Variants in TESK2 observed in about 807,000 individuals in gnomAD.
TESK2 encodes dual specificity testis-specific protein kinase 2.
In TESK2, 39 loss-of-function variants were observed where a neutral mutation model predicts 57.1. The ratio of observed to expected loss-of-function variants is 0.68; its 90% CI spans 0.53 to 0.89. TESK2 has a LOEUF of 0.89. Ranked by LOEUF, TESK2 falls within the 40% of genes least tolerant of loss-of-function variation. The pLI, the probability that TESK2 is intolerant of heterozygous loss-of-function variation, is 0.00. For missense variants in TESK2, 646 were observed against 732.1 expected (o/e 0.88, Z 1.36); for synonymous variants, 249 against 267.9 (o/e 0.93, Z 0.69).
intron 1 of TESK2, among the ~76,000 whole-genome samples, chr1:45,459,300 G>GA (rs199990480): frequency 2.7e-5 from 4 of 150,172 alleles, no homozygotes; most frequent in South Asian, 2.1e-4. Context: ...AATTTTCAAA[G>GA]AAAAAAAAAG....
intron 1 of TESK2, among the ~76,000 whole-genome samples, chr1:45,461,501 C>T (rs1274078707): frequency 6.6e-6 from 1 of 152,170 alleles, no homozygotes. Flanking sequence ...AGCACCAAAG[C>T]TCAAACTTCT....
At chr1:45,398,983 GAAAAAAAAAAA>G (rs372886401) in intron 3 of TESK2, 31 of 236,694 alleles carry the variant, frequency 1.3e-4, no homozygotes, top group African/African-American at 8.7e-4. Context: ...ACTAGGACCT[GAAAAAAAAAAA>G]AAAAAAAAAA....
intron 2 of TESK2, among the ~76,000 whole-genome samples, chr1:45,434,164 T>C (rs569522026): frequency 6.6e-6 from 1 of 152,216 alleles, no homozygotes; most frequent in Non-Finnish European, 1.5e-5. Context: ...CAGTTAATTT[T>C]TGTATTTTTG....
chr1:45,472,117 T>A (rs1202239485), intron 1 of TESK2, among the ~76,000 whole-genome samples: 1 of 151,554 alleles, frequency 6.6e-6, no homozygotes, highest in Non-Finnish European at 1.5e-5. Context: ...CCGGGTATGG[T>A]GGCCGGCACC....
chr1:45,346,411 CAAT>C (rs939835044), intron 9 of TESK2, among the ~76,000 whole-genome samples: 1 of 152,218 alleles, frequency 6.6e-6, no homozygotes, highest in Admixed American at 6.5e-5. Context: ...CACAGTCCAA[CAAT>C]AAAACCGGAC....
In TESK2 at chr1:45,345,243, A is replaced by G. The variant is rs200035854; in HGVS notation, c.1313T>C (p.Met438Thr). The change falls in exon 11 of 11, where the codon ATG becomes ACG. Residue 438 changes from methionine to threonine, a missense_variant. Coordinates refer to ENST00000372086, the MANE Select transcript of TESK2 (RefSeq NM_007170.3). ...FDLDAPGPGT[M>T]PLADWQEPLA... ...GGGCTCCTGCCAGTCAGCCAGGGGCATAGTTCCGGGCCCTGGTGCATCCAG... is the reference window on the plus strand; with the variant it reads ...GGGCTCCTGCCAGTCAGCCAGGGGCGTAGTTCCGGGCCCTGGTGCATCCAG... The G allele has an allele frequency of 9.2e-5, 148 of 1,614,218 alleles. 1 individual carries two copies. In the Admixed American group the frequency reaches 2.3e-3, roughly 25 times the overall value.
chr1:45,390,578 G>C (rs908918756), intron 3 of TESK2, among the ~76,000 whole-genome samples: 1 of 143,722 alleles, frequency 7.0e-6, no homozygotes, highest in African/African-American at 2.5e-5. Context: ...TGTTTCTAAG[G>C]TTTTTTTTTT....
chr1:45,355,111 G>T (rs1384189140), intron 5 of TESK2, among the ~76,000 whole-genome samples, 192 bp downstream of exon 5: 1 of 152,042 alleles, frequency 6.6e-6, no homozygotes, highest in Non-Finnish European at 1.5e-5. Context: ...GGAGGCAGAA[G>T]CACTCCAGCC....
At chr1:45,441,805 C>T (rs756754439) in intron 2 of TESK2, among the ~76,000 whole-genome samples, 4 of 151,742 alleles carry the variant, frequency 2.6e-5, no homozygotes, top group South Asian at 2.1e-4. Flanking sequence ...TTAGTAGAGA[C>T]GGGGTTTCAC....
chr1:45,391,377 C>T (rs928658497), intron 3 of TESK2, among the ~76,000 whole-genome samples: 5 of 152,094 alleles, frequency 3.3e-5, no homozygotes, highest in East Asian at 1.9e-4. Flanking sequence ...ATCACCACAG[C>T]GAGCAAATTT....
chr1:45,458,380 C>G (rs1047854533), intron 1 of TESK2, among the ~76,000 whole-genome samples: 2 of 152,252 alleles, frequency 1.3e-5, no homozygotes, highest in East Asian at 3.9e-4. Flanking sequence ...GCCTGGCCAA[C>G]ATGGTGAAAC....
rs148633114 is a variant in TESK2, at chr1:45,380,088, C to T, written c.393+5824G>A. On this transcript the variant is annotated intron_variant, in intron 4 of 10. Transcript: ENST00000372086. ...CTAATTTTTGTATTTTTTATAGAGA[C>T]GGAGTTTCACCATGTTGGCCAGGCT... 7.7e-3 allele frequency among the ~76,000 whole-genome samples: 1,167 copies of T among 152,082 alleles called. 16 individuals carry two copies. The highest frequency in any genetic ancestry group is 0.026 in the African/African-American group (1,087 of 41,476).
intron 3 of TESK2, chr1:45,414,877 G>A: frequency 2.7e-6 from 1 of 374,892 alleles, no homozygotes; most frequent in South Asian, 2.7e-5. Context: ...GGTTCTATTG[G>A]ACAGCAATGC....
chr1:45,420,035 T>C (rs992167416), intron 3 of TESK2, among the ~76,000 whole-genome samples: 5 of 152,070 alleles, frequency 3.3e-5, no homozygotes, highest in Non-Finnish European at 7.4e-5. Flanking sequence ...ATACAAAAAA[T>C]AGCAATAAAT....
At chr1:45,432,723 TG>T (rs1651024860) in intron 2 of TESK2, among the ~76,000 whole-genome samples, 1 of 148,600 alleles carries the variant, frequency 6.7e-6, no homozygotes, top group Non-Finnish European at 1.5e-5. Context: ...ACATTATTAA[TG>T]ATAGTCACCA....
In TESK2 at chr1:45,371,855, G is replaced by C. The variant is rs748556655; in HGVS notation, c.393+14057C>G. Among the ~76,000 whole-genome samples the C allele has an allele frequency of 6.0e-4, 91 of 152,232 alleles. No homozygotes were observed. In the Middle Eastern group the frequency reaches 0.014, roughly 23 times the overall value. Reference sequence around the variant, plus strand: ...TGCACTCCAGCCTGGGTGACAGCGAGATCCTGTCTCAAAAGTAAAAAGAAA... The same window carrying C: ...TGCACTCCAGCCTGGGTGACAGCGACATCCTGTCTCAAAAGTAAAAAGAAA... On this transcript the variant is annotated intron_variant, in intron 4 of 10. Coordinates refer to ENST00000372086, the MANE Select transcript of TESK2 (RefSeq NM_007170.3).
chr1:45,485,590 C>T (rs920906287), intron 1 of TESK2, among the ~76,000 whole-genome samples: 2 of 150,638 alleles, frequency 1.3e-5, no homozygotes, highest in Non-Finnish European at 2.9e-5. Context: ...ATGATCTCGG[C>T]TCACTGCAAC....
intron 7 of TESK2, 127 bp from the exon 8 acceptor site, chr1:45,347,189 A>T (rs140542182): frequency 1.4e-6 from 1 of 730,682 alleles, no homozygotes; most frequent in Non-Finnish European, 2.3e-6. Context: ...CCCATACTTC[A>T]TCCCAGTCAG....
chr1:45,407,323 G>A (rs1422840658), intron 3 of TESK2, among the ~76,000 whole-genome samples: 2 of 152,092 alleles, frequency 1.3e-5, no homozygotes, highest in African/African-American at 4.8e-5. Context: ...GCCTCCCAAA[G>A]TGCTAGGATT....
Sources: allele counts gnomAD v4.1 joint callset (sites outside exome capture counted in the v4.1 genomes callset), GRCh38; gene constraint gnomAD v4.1.1; transcripts MANE v1.5; gene names NCBI Gene and HGNC (gene_info 2026-07-23, HGNC 2026-07-21).